GPATCH1: variants seen among roughly 807,000 people sequenced by gnomAD.
The protein encoded by GPATCH1 is G-patch domain containing 1.
A neutral mutation model predicts 114.9 loss-of-function variants in GPATCH1; 73 were observed. That is an observed-to-expected ratio of 0.64 (90% CI 0.53 to 0.77). The LOEUF (loss-of-function observed/expected upper bound fraction) is 0.77, where lower values mean the gene tolerates loss of function less well. Among genes scored for constraint, GPATCH1 ranks in the 30% least tolerant of loss-of-function variants. The probability of loss-of-function intolerance (pLI) is 0.00; values close to 1 mark genes in which losing one functional copy is unlikely to be tolerated. For missense variants in GPATCH1, 1,058 were observed against 1,144.3 expected, an observed-to-expected ratio of 0.92 and a Z score of 1.09; for synonymous variants, 391 against 428.4, an observed-to-expected ratio of 0.91 and a Z score of 1.08.
At chr19:33,099,369 C>T (rs1255244506) in intron 8 of GPATCH1, among the ~76,000 whole-genome samples, 1 of 151,162 alleles carries the variant, frequency 6.6e-6, no homozygotes, top group Admixed American at 6.6e-5. Flanking sequence ...CCTGCTGAAC[C>T]ACATCTTTCA....
intron 1 of GPATCH1, among the ~76,000 whole-genome samples, chr19:33,086,940 C>T (rs540703925): frequency 6.6e-5 from 10 of 151,802 alleles, no homozygotes; most frequent in African/African-American, 2.2e-4. Flanking sequence ...TGCCACTGCA[C>T]TCCAGCATGG....
At chr19:33,115,146 C>T (rs1014990168) in intron 15 of GPATCH1, among the ~76,000 whole-genome samples, 8 of 149,772 alleles carry the variant, frequency 5.3e-5, no homozygotes, top group South Asian at 2.1e-4. Context: ...ACTGCAGGCT[C>T]GAACGCCCAG....
chr19:33,097,845 G>A lies in GPATCH1; in HGVS notation c.943G>A (p.Glu315Lys), dbSNP rs1190566100. ...GTATGACACTGTTCTGAAGGACGAG[G>A]AGCCTGGAGACGGACTCTATGGCTG... ...SKYDTVLKDE[E>K]PGDGLYGWTA... The change falls in exon 8 of 20, where the codon GAG (glutamate) becomes AAG (lysine). Residue 315 changes from glutamate to lysine, a missense_variant. Coordinates refer to ENST00000170564, the MANE Select transcript of GPATCH1 (RefSeq NM_018025.3). 1 of 1,613,986 alleles carries A rather than the reference G, an allele frequency of 6.2e-7. No homozygotes were observed. Among genetic ancestry groups the A allele is most frequent in the Non-Finnish European group, 8.5e-7 (1 of 1,179,920 alleles).
intron 1 of GPATCH1, among the ~76,000 whole-genome samples, chr19:33,083,851 C>G (rs1343963986): frequency 6.6e-6 from 1 of 152,002 alleles, no homozygotes. Flanking sequence ...CTCTTGTCAC[C>G]CAGGCTGGCA....
At chr19:33,083,137 G>A (rs957358508) in intron 1 of GPATCH1, among the ~76,000 whole-genome samples, 9 of 150,878 alleles carry the variant, frequency 6.0e-5, no homozygotes, top group Admixed American at 4.0e-4. Context: ...CCAGCTACTC[G>A]GGAGGCTGAG....
rs376517211 is a variant in GPATCH1, at chr19:33,108,722, C to G, written c.1286-995C>G. ...TTTCGTGTCTCCACTGCCCTCCAAG[C>G]TCCTGGGCCAGGTCCTGGCATAGAG... On this transcript the variant is annotated intron_variant, in intron 10 of 19. Coordinates refer to ENST00000170564, the MANE Select transcript of GPATCH1 (RefSeq NM_018025.3). 2.4e-4 allele frequency among the ~76,000 whole-genome samples: 37 copies of G among 152,182 alleles called. 3 individuals are homozygous for G. The highest frequency in any genetic ancestry group is 8.7e-4 in the African/African-American group (36 of 41,514).
intron 7 of GPATCH1, among the ~76,000 whole-genome samples, chr19:33,097,500 T>C (rs60389742): frequency 3.3e-5 from 5 of 152,192 alleles, no homozygotes; most frequent in Non-Finnish European, 7.3e-5. Context: ...CTTCCTGTGC[T>C]GGGACCTGGA....
chr19:33,128,085 A>G (rs1224487332), intron 19 of GPATCH1, among the ~76,000 whole-genome samples: 4 of 151,160 alleles, frequency 2.6e-5, no homozygotes, highest in Admixed American at 2.6e-4. Context: ...TTTATAGGGT[A>G]TGAATTTTAT....
chr19:33,127,875 A>C (rs1216730658), intron 19 of GPATCH1, among the ~76,000 whole-genome samples: 1 of 151,604 alleles, frequency 6.6e-6, no homozygotes, highest in Non-Finnish European at 1.5e-5. Context: ...CACCCAGCTA[A>C]TTTTTGTATT....
intron 12 of GPATCH1, among the ~76,000 whole-genome samples, chr19:33,112,246 A>T (rs951430855): frequency 1.7e-4 from 26 of 152,190 alleles, no homozygotes; most frequent in African/African-American, 6.0e-4. Context: ...GATTACAGGC[A>T]TGAGCCACCA....
chr19:33,113,830 G>A lies in GPATCH1; in HGVS notation c.1956G>A (p.Thr652=), dbSNP rs1215739904. The part of the protein sequence containing the change: ...RDKYSVFNFL[T]LPETASLPTT... ...AGTACTCAGTCTTCAACTTTCTGAC[G>A]CTCCCAGAGACAGCTTCCTTGCCCA... Residue 652 remains threonine, a synonymous_variant, in exon 14 of 20, where the codon ACG becomes ACA. Transcript: ENST00000170564. The A allele has an allele frequency of 1.9e-6, 3 of 1,613,488 alleles. No homozygotes were observed. The highest frequency in any genetic ancestry group is 2.2e-5 in the East Asian group (1 of 44,892).
At chr19:33,094,123 T>C in intron 4 of GPATCH1, 49 bp from the exon 5 acceptor site, 1 of 990,946 alleles carries the variant, frequency 1.0e-6, no homozygotes, top group Non-Finnish European at 1.6e-6. Flanking sequence ...TTCATATTCT[T>C]TGTTAATGTT....
chr19:33,126,091 C>A (rs982046490), intron 18 of GPATCH1, among the ~76,000 whole-genome samples: 2 of 152,162 alleles, frequency 1.3e-5, no homozygotes, highest in Non-Finnish European at 2.9e-5. Flanking sequence ...GGATGACGGG[C>A]GTTCCCTCCT....
At chr19:33,089,942 G>T (rs1972576423) in intron 2 of GPATCH1, among the ~76,000 whole-genome samples, 1 of 148,498 alleles carries the variant, frequency 6.7e-6, no homozygotes, top group Non-Finnish European at 1.5e-5. Flanking sequence ...TTAATTAATT[G>T]ATTTATTTTT....
intron 9 of GPATCH1, among the ~76,000 whole-genome samples, chr19:33,104,447 G>T (rs1972761501): frequency 6.6e-6 from 1 of 152,152 alleles, no homozygotes; most frequent in Non-Finnish European, 1.5e-5. Flanking sequence ...GGTAACATGA[G>T]AGTGTTTTCT....
At chr19:33,126,080 C>A (rs186729629) in intron 18 of GPATCH1, among the ~76,000 whole-genome samples, 1 of 152,282 alleles carries the variant, frequency 6.6e-6, no homozygotes, top group African/African-American at 2.4e-5. Flanking sequence ...CCACGTATGG[C>A]GGATGACGGG....
intron 11 of GPATCH1, 41 bp from the exon 12 acceptor site, chr19:33,111,683 T>TC: frequency 6.3e-7 from 1 of 1,594,696 alleles, no homozygotes; most frequent in East Asian, 2.2e-5. Flanking sequence ...CCCCATGTTT[T>TC]CCTGAAAAGT....
intron 11 of GPATCH1, among the ~76,000 whole-genome samples, chr19:33,110,767 A>G (rs1972842600): frequency 6.6e-6 from 1 of 151,858 alleles, no homozygotes. Context: ...CTGAAGATTT[A>G]ACCAACCATT....
Position 33,109,836 on chromosome 19 carries a change from G to T in GPATCH1, c.1405G>T (p.Ala469Ser). The T allele has an allele frequency of 1.2e-6, 2 of 1,614,040 alleles. No homozygotes were observed. The highest frequency in any genetic ancestry group is 2.2e-5 in the East Asian group (1 of 44,884). The stretch of plus-strand genomic sequence containing the variant: ...CAAGGCCAGGAGTCTGGCCCAGAAC[G>T]CTCAGAGCAGCAGAGCCCAGCTCTC... ...QLKARSLAQN[A>S]QSSRAQLSPA... The change falls in exon 11 of 20, where the codon GCT (alanine) becomes TCT (serine). Residue 469 changes from alanine (A) to serine (S), a missense_variant. Coordinates refer to ENST00000170564, the MANE Select transcript of GPATCH1 (RefSeq NM_018025.3).
Sources: allele counts gnomAD v4.1 joint callset (sites outside exome capture counted in the v4.1 genomes callset), GRCh38; gene constraint gnomAD v4.1.1; transcripts MANE v1.5; gene names NCBI Gene and HGNC (gene_info 2026-07-23, HGNC 2026-07-21).